ELMO1: variants seen among roughly 807,000 people sequenced by gnomAD.
ELMO1 encodes the protein engulfment and cell motility 1, also known as engulfment and cell motility protein 1.
ELMO1 carries 26 observed loss-of-function variants against 98.9 expected under a neutral mutation model. The observed-to-expected ratio is 0.26, with a 90% CI of 0.19 to 0.36. The LOEUF (loss-of-function observed/expected upper bound fraction) is 0.36. ELMO1 is among the 10% of genes least tolerant of loss of function. ELMO1 has a pLI of 1.00. For synonymous variants in ELMO1, 346 were observed against 346.0 expected, an observed-to-expected ratio of 1.00 and a Z score of 0.00; for missense variants, 627 against 935.2, an observed-to-expected ratio of 0.67 and a Z score of 4.30.
intron 19 of ELMO1, among the ~76,000 whole-genome samples, chr7:36,873,426 C>T (rs762245313): frequency 6.6e-6 from 1 of 152,174 alleles, no homozygotes; most frequent in Non-Finnish European, 1.5e-5. Context: ...GAATCAGGGT[C>T]ACCAGTGAAG....
At chr7:37,005,646 T>C (rs2129166666) in intron 16 of ELMO1, among the ~76,000 whole-genome samples, 1 of 138,234 alleles carries the variant, frequency 7.2e-6, no homozygotes, top group South Asian at 2.2e-4. Context: ...GAGCCGAGAC[T>C]GTGCCATGGC....
intron 13 of ELMO1, among the ~76,000 whole-genome samples, chr7:37,203,562 G>A (rs1482945081): frequency 2.0e-5 from 3 of 152,172 alleles, no homozygotes; most frequent in African/African-American, 7.2e-5. Flanking sequence ...TGATTGGTGA[G>A]CCCGGGCACC....
chr7:37,009,515 G>A (rs1584509671), intron 16 of ELMO1, among the ~76,000 whole-genome samples: 1 of 152,178 alleles, frequency 6.6e-6, no homozygotes, highest in Non-Finnish European at 1.5e-5. Flanking sequence ...CCAAGCACTA[G>A]ATATCTATAA....
At chr7:37,191,366 A>G (rs975108560) in intron 13 of ELMO1, among the ~76,000 whole-genome samples, 14 of 152,118 alleles carry the variant, frequency 9.2e-5, no homozygotes, top group Non-Finnish European at 7.4e-5. Context: ...GTAGTTAGAA[A>G]AAACAAACAA....
At chr7:37,170,966 T>G (rs1017174773) in intron 13 of ELMO1, among the ~76,000 whole-genome samples, 2 of 152,088 alleles carry the variant, frequency 1.3e-5, no homozygotes, top group Non-Finnish European at 2.9e-5. Flanking sequence ...TAATGCAAAA[T>G]AAACAAAAAA....
chr7:37,044,509 G>A (rs997263978), intron 15 of ELMO1, among the ~76,000 whole-genome samples: 7 of 152,026 alleles, frequency 4.6e-5, no homozygotes, highest in East Asian at 1.9e-4. Flanking sequence ...CATCTCACTC[G>A]CCCAACACGG....
At chr7:36,926,490 G>A (rs1347770567) in intron 16 of ELMO1, among the ~76,000 whole-genome samples, 1 of 152,112 alleles carries the variant, frequency 6.6e-6, no homozygotes, top group Non-Finnish European at 1.5e-5. Flanking sequence ...TCCCATGGGA[G>A]AAGTGACCCC....
intron 1 of ELMO1, among the ~76,000 whole-genome samples, chr7:37,425,075 T>A (rs543167471): frequency 2.0e-5 from 3 of 152,284 alleles, no homozygotes; most frequent in Non-Finnish European, 4.4e-5. Flanking sequence ...CTTCATAGAT[T>A]TATGGTTTTC....
intron 15 of ELMO1, among the ~76,000 whole-genome samples, chr7:37,041,146 A>T (rs1345119396): frequency 6.6e-6 from 1 of 152,174 alleles, no homozygotes; most frequent in African/African-American, 2.4e-5. Context: ...GAGATCAGAG[A>T]AAAGAGGGGC....
At chr7:37,045,231 T>C (rs1392618563) in intron 15 of ELMO1, among the ~76,000 whole-genome samples, 1 of 152,212 alleles carries the variant, frequency 6.6e-6, no homozygotes, top group Non-Finnish European at 1.5e-5. Context: ...GAATAATGTA[T>C]GGACTTCAGC....
chr7:37,026,475 C>G (rs1794584856), intron 15 of ELMO1, among the ~76,000 whole-genome samples: 1 of 152,102 alleles, frequency 6.6e-6, no homozygotes, highest in Admixed American at 6.6e-5. Context: ...ACTGACTCCC[C>G]TTCAAAAGTC....
chr7:37,434,969 A>G (rs994738560), intron 1 of ELMO1: 1 of 152,100 alleles, frequency 6.6e-6, no homozygotes, highest in Non-Finnish European at 1.5e-5. Context: ...TCCTCCTCTA[A>G]TGTATAAGCA....
chr7:37,217,371 G>A (rs1340256531), intron 10 of ELMO1, among the ~76,000 whole-genome samples: 2 of 152,162 alleles, frequency 1.3e-5, no homozygotes, highest in Admixed American at 6.5e-5. Flanking sequence ...GACAAGTGGA[G>A]ACTAAGGGAA....
In ELMO1 at chr7:37,240,044, CTTTTTTTTTTTT is replaced by C. The variant is rs898282771; in HGVS notation, c.449+4300_449+4311del. Among the ~76,000 whole-genome samples the C allele has an allele frequency of 4.5e-5, 6 of 133,042 alleles. No individual in the cohort carries two copies. In the East Asian group the frequency reaches 6.5e-4, roughly 14 times the overall value. 87.3% of individuals were successfully genotyped at this position (133,042 alleles called of 152,430 possible). A position where few individuals can be genotyped will look rare whatever the true frequency, so the allele number is the denominator to read the frequency against. On this transcript the variant is annotated intron_variant, in intron 7 of 21. Coordinates refer to ENST00000310758, the MANE Select transcript of ELMO1 (RefSeq NM_014800.11). The stretch of plus-strand genomic sequence containing the variant: ...CTTAATTTTCTTTCTTTTTTTTTTT[CTTTTTTTTTTTT>C]GAGACAGAGTCTCACTCTGTTGCCC...
At chr7:36,901,877 T>A (rs1296728286) in intron 16 of ELMO1, among the ~76,000 whole-genome samples, 1 of 152,154 alleles carries the variant, frequency 6.6e-6, no homozygotes, top group Non-Finnish European at 1.5e-5. Context: ...TTATAATACA[T>A]GCAGGGTGGT....
chr7:37,207,673 T>C (rs144932469), intron 13 of ELMO1, among the ~76,000 whole-genome samples: 2 of 152,178 alleles, frequency 1.3e-5, no homozygotes, highest in African/African-American at 4.8e-5. Context: ...GCTGGTGTAG[T>C]GCCTCATGCT....
intron 4 of ELMO1, among the ~76,000 whole-genome samples, chr7:37,286,033 G>A (rs1402953680): frequency 7.1e-6 from 1 of 141,404 alleles, no homozygotes; most frequent in African/African-American, 2.7e-5. Flanking sequence ...AGAAACTCAT[G>A]CTTGTAAAAA....
intron 7 of ELMO1, among the ~76,000 whole-genome samples, chr7:37,233,618 T>C (rs1794304314): frequency 6.6e-6 from 1 of 152,244 alleles, no homozygotes; most frequent in Non-Finnish European, 1.5e-5. Context: ...AAAAGCTTCT[T>C]GGCTAATGAA....
At chr7:37,003,111 T>C (rs1048993447) in intron 16 of ELMO1, among the ~76,000 whole-genome samples, 3 of 152,024 alleles carry the variant, frequency 2.0e-5, no homozygotes, top group Admixed American at 6.6e-5. Flanking sequence ...AGAAAACACA[T>C]AGAAACCAGA....
Sources: gnomAD v4.1 joint callset for allele counts (sites outside exome capture counted in the v4.1 genomes callset) on GRCh38, gnomAD v4.1.1 for gene constraint, MANE v1.5 for transcripts, NCBI Gene and HGNC (gene_info 2026-07-23, HGNC 2026-07-21) for gene names.